Variants in MCTP1 observed in about 807,000 individuals in gnomAD.
MCTP1 encodes multiple C2 and transmembrane domain-containing protein 1.
MCTP1 carries 69 observed loss-of-function variants against 120.6 expected under a neutral mutation model. The ratio of observed to expected loss-of-function variants is 0.57; its 90% confidence interval spans 0.47 to 0.70. MCTP1 has a LOEUF of 0.70. MCTP1 is among the 30% of genes least tolerant of loss of function. The pLI is 0.00. For missense variants in MCTP1, 1,203 were observed against 1,248.8 expected, an observed-to-expected ratio of 0.96 and a Z score of 0.55; for synonymous variants, 529 against 493.1, an observed-to-expected ratio of 1.07 and a Z score of -0.96.
intron 10 of MCTP1, among the ~76,000 whole-genome samples, chr5:94,899,928 A>AT (rs1805062935): frequency 6.6e-6 from 1 of 152,022 alleles, no homozygotes; most frequent in African/African-American, 2.4e-5. Context: ...CTCGTGCTCC[A>AT]TTTTTCTTGA....
At position 95,284,571 on chromosome 5, in the gene MCTP1, T is replaced by C; in HGVS notation, c.5A>G (p.Glu2Gly). The change falls in exon 1 of 23, where the codon GAG becomes GGG. Residue 2 changes from glutamate to glycine, a missense_variant. Around this residue, in one of 2 missense-constraint regions of MCTP1, gnomAD observed 463 missense variants for 377.8 expected, o/e 1.23. Coordinates refer to ENST00000515393, the MANE Select transcript of MCTP1 (RefSeq NM_024717.7). This position sits in a 1 kb window ranked among gnomAD's most constrained non-coding sequence, Gnocchi z 5.2. ...CTCGCCCGCCGCGGCAGCCCGGGGCTCCATCCTCCACCCCCTGCTCCTCCT... is the reference window on the plus strand; with the variant it reads ...CTCGCCCGCCGCGGCAGCCCGGGGCCCCATCCTCCACCCCCTGCTCCTCCT... M[E>G]PRAAAAGEPE... 7.0e-7 allele frequency: 1 copy of C among 1,432,274 alleles called. No homozygotes were observed. The highest frequency in any genetic ancestry group is 9.0e-7 in the Non-Finnish European group (1 of 1,106,202). The allele number at this position is 1,432,274 out of a possible 1,614,324, so 88.7% of individuals were successfully genotyped here.
chr5:95,188,205 G>A (rs969006700), intron 1 of MCTP1, among the ~76,000 whole-genome samples: 9 of 152,158 alleles, frequency 5.9e-5, no homozygotes, highest in African/African-American at 1.9e-4. Context: ...AAACTACAGT[G>A]AGATATCACT....
intron 1 of MCTP1, among the ~76,000 whole-genome samples, chr5:95,071,634 C>G (rs1752198423): frequency 6.6e-6 from 1 of 152,132 alleles, no homozygotes; most frequent in South Asian, 2.1e-4. Context: ...GGGGCACAAG[C>G]TCTTAAAAAT....
chr5:95,008,089 G>A (rs1301824925), intron 2 of MCTP1, among the ~76,000 whole-genome samples: 1 of 152,066 alleles, frequency 6.6e-6, no homozygotes, highest in Non-Finnish European at 1.5e-5. Flanking sequence ...TTTGTAACTA[G>A]GCAAGCTGAG....
At position 95,093,124 on chromosome 5, in the gene MCTP1, C is replaced by G. The variant is rs777851427; in HGVS notation, c.721-75640G>C. Among the ~76,000 whole-genome samples the G allele has an allele frequency of 5.3e-5, 8 of 152,232 alleles. No individual in the cohort carries two copies. In the South Asian group the frequency reaches 1.0e-3, roughly 20 times the overall value. On this transcript the variant is annotated intron_variant, in intron 1 of 22. Coordinates refer to ENST00000515393, the MANE Select transcript of MCTP1 (RefSeq NM_024717.7). ...CAAAATTAAAAGTGGGCTTTGGACA[C>G]GTAGCATTCTATGGGCAGTAAAAAG...
intron 18 of MCTP1, among the ~76,000 whole-genome samples, chr5:94,793,173 C>G (rs537707679): frequency 6.6e-6 from 1 of 152,084 alleles, no homozygotes; most frequent in African/African-American, 2.4e-5. Context: ...CTTGTTGGTG[C>G]AAATCCAAAG....
At chr5:95,081,361 T>C (rs1754883956) in intron 1 of MCTP1, 7 of 1,430,240 alleles carry the variant, frequency 4.9e-6, no homozygotes, top group Non-Finnish European at 6.8e-6. Flanking sequence ...AACAATCATA[T>C]ACCTAAACTG....
rs1756694833 is a variant in MCTP1 at position 94,710,881 on chromosome 5, C to A, written c.2767G>T (p.Ala923Ser). Residue 923 changes from alanine to serine, a missense_variant, in exon 21 of 23, where the codon GCC becomes TCC. This residue lies in a region of MCTP1 where 740 missense variants were observed against 871.1 expected (regional missense o/e 0.85). Coordinates refer to ENST00000515393, the MANE Select transcript of MCTP1 (RefSeq NM_024717.7). ...VPFLSWLAIV[A>S]LCVFTAILYC... ...AGGATGGCTGTGAACACACAGAGGGCTACAATGGCCAGCCAGCTTAAGAAT... is the reference window on the plus strand; with the variant it reads ...AGGATGGCTGTGAACACACAGAGGGATACAATGGCCAGCCAGCTTAAGAAT... 2 of 1,612,962 alleles carry A rather than the reference C, an allele frequency of 1.2e-6. No individual in the cohort carries two copies. Among genetic ancestry groups the A allele is most frequent in the East Asian group, 4.5e-5 (2 of 44,828 alleles).
rs532998067 is a variant in MCTP1, at chr5:95,152,100, T to C, written c.720+131756A>G. 3.9e-5 allele frequency among the ~76,000 whole-genome samples: 6 copies of C among 152,326 alleles called. No individual in the cohort carries two copies. In the South Asian group the frequency reaches 8.3e-4, roughly 21 times the overall value. ...AACCAGTGTTTAAAATCTAAAGTCA[T>C]TTAATACAGTCAAAATAGTAACTTT... On this transcript the variant is annotated intron_variant, in intron 1 of 22. Coordinates refer to ENST00000515393, the MANE Select transcript of MCTP1 (RefSeq NM_024717.7).
chr5:94,780,023 A>G (rs2152939868), intron 18 of MCTP1, among the ~76,000 whole-genome samples: 1 of 152,264 alleles, frequency 6.6e-6, no homozygotes, highest in Admixed American at 6.5e-5. Flanking sequence ...TCACAAACAT[A>G]CACATATGCA....
intron 1 of MCTP1, among the ~76,000 whole-genome samples, chr5:95,047,156 G>C (rs1017669329): frequency 6.6e-6 from 1 of 152,144 alleles, no homozygotes; most frequent in Non-Finnish European, 1.5e-5. Flanking sequence ...GTTGCAACAA[G>C]CACATGAAAG....
chr5:94,859,661 A>G (rs1201888782), intron 17 of MCTP1, among the ~76,000 whole-genome samples: 1 of 151,756 alleles, frequency 6.6e-6, no homozygotes, highest in Non-Finnish European at 1.5e-5. Flanking sequence ...TAAGTTTTCA[A>G]TGTTGCTGCC....
chr5:94,951,370 T>A (rs1304502967), intron 3 of MCTP1, among the ~76,000 whole-genome samples: 1 of 152,236 alleles, frequency 6.6e-6, no homozygotes, highest in Admixed American at 6.5e-5. Flanking sequence ...ATATCTAATA[T>A]AATTTGAGGA....
intron 19 of MCTP1, among the ~76,000 whole-genome samples, chr5:94,752,117 A>ATATATATATATATATATAT (rs1768562741): frequency 7.6e-5 from 3 of 39,672 alleles, no homozygotes; most frequent in African/African-American, 3.5e-4. Context: ...AAATATATAT[A>ATATATATATATATATATAT]TATATATATA....
intron 19 of MCTP1, among the ~76,000 whole-genome samples, chr5:94,758,013 G>A (rs1278729414): frequency 1.3e-5 from 2 of 152,122 alleles, no homozygotes; most frequent in East Asian, 3.8e-4. Context: ...TTAGTAAGGT[G>A]TTATAGATGG....
intron 11 of MCTP1, among the ~76,000 whole-genome samples, chr5:94,889,315 G>C (rs770148839): frequency 6.6e-6 from 1 of 152,128 alleles, no homozygotes; most frequent in African/African-American, 2.4e-5. Context: ...CAGGCCGGGA[G>C]CAGTGGCTTA....
intron 1 of MCTP1, among the ~76,000 whole-genome samples, chr5:95,150,779 C>T (rs914691986): frequency 6.6e-6 from 1 of 152,044 alleles, no homozygotes; most frequent in Admixed American, 6.5e-5. Flanking sequence ...ATACAGTTGA[C>T]CCCTGAACAA....
At chr5:95,277,347 A>G (rs371408254) in intron 1 of MCTP1, among the ~76,000 whole-genome samples, 28 of 152,340 alleles carry the variant, frequency 1.8e-4, no homozygotes, top group East Asian at 1.5e-3. Flanking sequence ...AAGAACCAGA[A>G]TTAAAGTCTA....
In MCTP1 at chr5:95,284,799, G is replaced by GCTGCCTCTTCCTCCCGCA. The variant is rs1760623299; in HGVS notation, c.-242_-225dup. On this transcript the variant is annotated 5_prime_UTR_variant, in exon 1 of 23. Coordinates refer to ENST00000515393, the MANE Select transcript of MCTP1 (RefSeq NM_024717.7). This position sits in a 1 kb window ranked among gnomAD's most constrained non-coding sequence, Gnocchi z 5.2. ...GGCTCTCTGGCCTCGGGACTCCGGC[G>GCTGCCTCTTCCTCCCGCA]CTGCCTCTTCCTCCCGCACCTGCTG... Among the ~76,000 whole-genome samples, 1 of 152,062 alleles carries GCTGCCTCTTCCTCCCGCA rather than the reference G, an allele frequency of 6.6e-6. No homozygotes were observed.
Sources: allele counts gnomAD v4.1 joint callset (sites outside exome capture counted in the v4.1 genomes callset), GRCh38; gene constraint gnomAD v4.1.1; regional missense constraint gnomAD v4.1.1; non-coding constraint Gnocchi (gnomAD v3.1); transcripts MANE v1.5; gene names NCBI Gene and HGNC (gene_info 2026-07-23, HGNC 2026-07-21).